The following STRN3 variants were observed in gnomAD, a reference collection of about 807,000 sequenced individuals.
STRN3 encodes striatin-3.
A neutral mutation model predicts 95.6 loss-of-function variants in STRN3; 29 were observed. The observed-to-expected ratio is 0.30, with a 90% CI of 0.23 to 0.41. STRN3 has a LOEUF of 0.41. STRN3 is among the 10% of genes least tolerant of loss of function. STRN3 has a pLI of 1.00. For synonymous variants in STRN3, 331 were observed against 357.6 expected (o/e 0.93, Z 0.84); for missense variants, 890 against 972.1 (o/e 0.92, Z 1.12).
In STRN3 at chr14:31,019,033, G is replaced by A. The variant is rs150187564; in HGVS notation, c.282+6871C>T. 1.9e-3 allele frequency among the ~76,000 whole-genome samples: 290 copies of A among 152,260 alleles called. 2 individuals carry two copies. Among genetic ancestry groups the A allele is most frequent in the African/African-American group, 6.9e-3 (285 of 41,550 alleles). ...CTACTCTGGAGGCTGAGGCATGCCA[G>A]GCATAGTGGCTCATGCCTTTAATCC... is the stretch of plus-strand genomic sequence containing the variant. On this transcript the variant is annotated intron_variant, in intron 1 of 17. Transcript: ENST00000357479.
chr14:30,922,298 G>A (rs1355994771), intron 8 of STRN3, among the ~76,000 whole-genome samples: 1 of 152,104 alleles, frequency 6.6e-6, no homozygotes, highest in Non-Finnish European at 1.5e-5. Context: ...AAAGTGCTAG[G>A]ATTGCAGGCA....
At chr14:30,953,542 A>C (rs577402986) in intron 3 of STRN3, among the ~76,000 whole-genome samples, 1 of 152,316 alleles carries the variant, frequency 6.6e-6, no homozygotes, top group South Asian at 2.1e-4. Flanking sequence ...TTTCACTGTA[A>C]ATAATGATGC....
chr14:30,980,908 A>C (rs1235465895), intron 1 of STRN3, among the ~76,000 whole-genome samples: 4 of 152,016 alleles, frequency 2.6e-5, no homozygotes, highest in African/African-American at 7.3e-5. Context: ...GCAAACATCC[A>C]AGGAATTAAA....
At chr14:31,023,684 T>C (rs1039367018) in intron 1 of STRN3, among the ~76,000 whole-genome samples, 1 of 152,154 alleles carries the variant, frequency 6.6e-6, no homozygotes, top group Non-Finnish European at 1.5e-5. Flanking sequence ...AATCCACTGA[T>C]GCTTCACTAC....
At chr14:30,986,693 G>A (rs1367116996) in intron 1 of STRN3, among the ~76,000 whole-genome samples, 4 of 152,088 alleles carry the variant, frequency 2.6e-5, no homozygotes, top group African/African-American at 7.2e-5. Context: ...AATACTTATT[G>A]AATAAGTTAA....
At chr14:30,964,969 G>A (rs1051675463) in intron 1 of STRN3, among the ~76,000 whole-genome samples, 1 of 152,034 alleles carries the variant, frequency 6.6e-6, no homozygotes, top group Non-Finnish European at 1.5e-5. Context: ...TGCTGTCTTG[G>A]TCTTTGTCTT....
Position 30,895,319 on chromosome 14 carries a change from T to G in STRN3, c.*92A>C. Reference sequence around the variant, plus strand: ...GATAGCCTTCACCAGGCAGATCACATGTAGTGTCATATCAGTAACCTTTCT... The same window carrying G: ...GATAGCCTTCACCAGGCAGATCACAGGTAGTGTCATATCAGTAACCTTTCT... On this transcript the variant is annotated 3_prime_UTR_variant, in exon 18 of 18. Coordinates refer to ENST00000357479, the MANE Select transcript of STRN3 (RefSeq NM_001083893.2). The G allele has an allele frequency of 7.6e-7, 1 of 1,320,616 alleles. No individual in the cohort carries two copies. The highest frequency in any genetic ancestry group is 1.0e-6 in the Non-Finnish European group (1 of 984,248). 81.8% of individuals were successfully genotyped at this position (1,320,616 alleles called of 1,614,324 possible). A position where few individuals can be genotyped will look rare whatever the true frequency, so the allele number is the denominator to read the frequency against.
At chr14:30,956,300 GAAAA>G in intron 1 of STRN3, 58 bp from the exon 2 acceptor site, 1 of 1,475,738 alleles carries the variant, frequency 6.8e-7, no homozygotes, top group Admixed American at 1.8e-5. Context: ...ATAGGAAACT[GAAAA>G]ATGGAAAACG....
chr14:30,895,258 T>G lies in STRN3; in HGVS notation c.*153A>C. 1 of 762,896 alleles carries G rather than the reference T, an allele frequency of 1.3e-6. No homozygotes were observed. Among genetic ancestry groups the G allele is most frequent in the Non-Finnish European group, 2.0e-6 (1 of 493,550 alleles). 47.3% of individuals were successfully genotyped at this position (762,896 alleles called of 1,614,324 possible). On this transcript the variant is annotated 3_prime_UTR_variant, in exon 18 of 18. Transcript: ENST00000357479. ...TACAGTTAACTTAATGAGCTTGACA[T>G]TAAGATGTGATTTCCACCAATTTGT...
chr14:31,004,312 A>C (rs1882617052), intron 1 of STRN3, among the ~76,000 whole-genome samples: 1 of 152,008 alleles, frequency 6.6e-6, no homozygotes, highest in African/African-American at 2.4e-5. Flanking sequence ...TAAAAAAAAA[A>C]AATTAGCGGA....
At chr14:31,005,873 T>C (rs1477171381) in intron 1 of STRN3, among the ~76,000 whole-genome samples, 1 of 152,128 alleles carries the variant, frequency 6.6e-6, no homozygotes, top group Non-Finnish European at 1.5e-5. Flanking sequence ...ATCCCAGTAC[T>C]TTGGGAGGCC....
chr14:31,005,331 G>A (rs186661359), intron 1 of STRN3, among the ~76,000 whole-genome samples: 5 of 152,152 alleles, frequency 3.3e-5, no homozygotes, highest in African/African-American at 1.2e-4. Context: ...GACTCCTCTC[G>A]TAGAGGGGAT....
intron 1 of STRN3, among the ~76,000 whole-genome samples, chr14:30,996,873 A>G (rs1319389647): frequency 6.6e-6 from 1 of 152,204 alleles, no homozygotes; most frequent in African/African-American, 2.4e-5. Flanking sequence ...CTCAAAAAAA[A>G]AAAAATTGTA....
Position 30,894,909 on chromosome 14 carries a change from A to G in STRN3, c.*502T>C. 1.2e-6 allele frequency: 1 copy of G among 850,730 alleles called. No homozygotes were observed. The highest frequency in any genetic ancestry group is 1.5e-6 in the Non-Finnish European group (1 of 662,390). The allele number at this position is 850,730 out of a possible 1,614,324, so 52.7% of individuals were successfully genotyped here. ...TTTCTTTTTCTTTTTTTTTTTTTTTAAAGCAAAATAAGTTTAAAAGGGAAT... is the reference window on the plus strand; with the variant it reads ...TTTCTTTTTCTTTTTTTTTTTTTTTGAAGCAAAATAAGTTTAAAAGGGAAT... On this transcript the variant is annotated 3_prime_UTR_variant, in exon 18 of 18. Coordinates refer to ENST00000357479, the MANE Select transcript of STRN3 (RefSeq NM_001083893.2).
chr14:30,947,017 A>C (rs1002490012), intron 5 of STRN3, 73 bp downstream of exon 5: 2 of 1,145,266 alleles, frequency 1.7e-6, no homozygotes, highest in African/African-American at 1.6e-5. Flanking sequence ...GGCAGTAACA[A>C]GGAGCTAAAG....
intron 6 of STRN3, 35 bp from the exon 7 acceptor site, chr14:30,935,339 T>C: frequency 1.9e-6 from 3 of 1,599,498 alleles, no homozygotes; most frequent in Non-Finnish European, 2.6e-6. Flanking sequence ...ATTACTTTTA[T>C]CCTAAATGGA....
chr14:30,943,924 T>C (rs899468834), intron 5 of STRN3, among the ~76,000 whole-genome samples: 1 of 152,048 alleles, frequency 6.6e-6, no homozygotes, highest in African/African-American at 2.4e-5. Flanking sequence ...TTTCCAGTCA[T>C]ACCAGATGAA....
At chr14:30,921,075 C>T (rs958669300) in intron 8 of STRN3, among the ~76,000 whole-genome samples, 16 of 81,480 alleles carry the variant, frequency 2.0e-4, no homozygotes, top group Non-Finnish European at 3.8e-4. Context: ...TACATATACA[C>T]ACACACACAC....
In STRN3 at chr14:30,894,905, T is replaced by TC. The variant is rs1387267376; in HGVS notation, c.*505_*506insG. 4 of 1,077,290 alleles carry TC rather than the reference T, an allele frequency of 3.7e-6. No homozygotes were observed. The highest frequency in any genetic ancestry group is 3.4e-5 in the Admixed American group (1 of 29,230). The allele number at this position is 1,077,290 out of a possible 1,614,324, so 66.7% of individuals were successfully genotyped here. On this transcript the variant is annotated 3_prime_UTR_variant, in exon 18 of 18. Transcript: ENST00000357479. Reference sequence around the variant, plus strand: ...AAATTTTCTTTTTCTTTTTTTTTTTTTTTAAAGCAAAATAAGTTTAAAAGG... The same window carrying TC: ...AAATTTTCTTTTTCTTTTTTTTTTTTCTTTAAAGCAAAATAAGTTTAAAAGG...
Sources: allele counts gnomAD v4.1 joint callset (sites outside exome capture counted in the v4.1 genomes callset), GRCh38; gene constraint gnomAD v4.1.1; transcripts MANE v1.5; gene names NCBI Gene and HGNC (gene_info 2026-07-23, HGNC 2026-07-21).